ANKS1B: variants seen among roughly 807,000 people sequenced by gnomAD.
The protein encoded by ANKS1B is ankyrin repeat and sterile alpha motif domain containing 1B.
Under a neutral mutation model 148.3 loss-of-function variants are expected in ANKS1B, and 36 were observed. That is an observed-to-expected ratio of 0.24 (90% CI 0.19 to 0.32). The LOEUF is 0.32. Ranked by LOEUF, ANKS1B falls within the 10% of genes least tolerant of loss-of-function variation. The probability of loss-of-function intolerance (pLI) is 1.00; values close to 1 mark genes in which losing one functional copy is unlikely to be tolerated. For synonymous variants in ANKS1B, 542 were observed against 560.8 expected (o/e 0.97, Z 0.47); for missense variants, 1,157 against 1,542.6 (o/e 0.75, Z 4.19).
chr12:98,887,143 T>C (rs1374323729), intron 17 of ANKS1B, among the ~76,000 whole-genome samples: 1 of 152,168 alleles, frequency 6.6e-6, no homozygotes, highest in African/African-American at 2.4e-5. Flanking sequence ...ACAGGCAATA[T>C]AAATTAGTTA....
intron 10 of ANKS1B, among the ~76,000 whole-genome samples, chr12:99,478,470 C>A (rs1595591659): frequency 1.3e-5 from 2 of 151,992 alleles, no homozygotes; most frequent in African/African-American, 4.8e-5. Flanking sequence ...GAAGTCACTC[C>A]CATGTACATA....
In ANKS1B at chr12:99,246,565, T is replaced by C. The variant is rs1224201188; in HGVS notation, c.2056A>G (p.Ile686Val). Residue 686 changes from isoleucine to valine, a missense_variant, in exon 13 of 27, where the codon ATT becomes GTT. By Grantham distance (29) the Ile-to-Val change is conservative. This residue lies in a region of ANKS1B where 661 missense variants were observed against 642.1 expected (regional missense o/e 1.03). Transcript: ENST00000683438. Reference sequence around the variant, plus strand: ...CTCCTGGTTGATCTTGTGCCAACAATGGTATGGTTTTCGAGTTGGTTGCTT... The same window carrying C: ...CTCCTGGTTGATCTTGTGCCAACAACGGTATGGTTTTCGAGTTGGTTGCTT... ...KKSNQLENHTIVGTRSTRSGS... is the reference protein window; with the variant it reads ...KKSNQLENHTVVGTRSTRSGS... 2 of 1,613,778 alleles carry C rather than the reference T, an allele frequency of 1.2e-6. No individual in the cohort carries two copies. Among genetic ancestry groups the C allele is most frequent in the Admixed American group, 1.7e-5 (1 of 59,936 alleles).
chr12:99,501,385 G>A lies in ANKS1B; in HGVS notation c.1438+3091C>T, dbSNP rs566469282. 3.3e-5 allele frequency among the ~76,000 whole-genome samples: 5 copies of A among 152,176 alleles called. No individual in the cohort carries two copies. The South Asian group carries it at 8.3e-4, about 25-fold the overall frequency. The stretch of plus-strand genomic sequence containing the variant: ...GAGGAGAGTATATTTCTCTCCAGAG[G>A]GATTACATTTGCTTCCACTTGATAC... On this transcript the variant is annotated intron_variant, in intron 10 of 26. Coordinates refer to ENST00000683438, the MANE Select transcript of ANKS1B (RefSeq NM_001352186.2).
intron 9 of ANKS1B, chr12:99,649,346 T>C: frequency 6.2e-7 from 1 of 1,614,186 alleles, no homozygotes; most frequent in South Asian, 1.1e-5. Context: ...AGACTTCACA[T>C]GAATGCTGAA....
rs777210247 is a variant in ANKS1B, at chr12:98,941,574, C to T, written c.2779-109438G>A. On this transcript the variant is annotated intron_variant, in intron 17 of 26. Transcript: ENST00000683438. ...TGAGTATTGATTTGCGGTTACAATT[C>T]AATTTTAGCAAGTAGGGGAATTTGC... Among the ~76,000 whole-genome samples the T allele has an allele frequency of 7.8e-4, 119 of 152,132 alleles. 3 individuals carry two copies. The highest frequency in any genetic ancestry group is 2.1e-4 in the Non-Finnish European group (14 of 68,038).
chr12:99,642,940 T>A (rs185396086), intron 9 of ANKS1B, among the ~76,000 whole-genome samples: 1 of 152,316 alleles, frequency 6.6e-6, no homozygotes, highest in East Asian at 1.9e-4. Context: ...AATCTCTGCT[T>A]TCCTCATCAT....
In ANKS1B at chr12:99,984,558, G is replaced by A; in HGVS notation, c.-321C>T. On this transcript the variant is annotated 5_prime_UTR_variant, in exon 1 of 27. Coordinates refer to ENST00000683438, the MANE Select transcript of ANKS1B (RefSeq NM_001352186.2). ...TGCGGCGTGAGGGGGTGGGGACTCG[G>A]GGGTGCTTTTGAGGAGCGGGAGGAG... is the stretch of plus-strand genomic sequence containing the variant. 1 of 258,502 alleles carries A rather than the reference G, an allele frequency of 3.9e-6. No homozygotes were observed. The highest frequency in any genetic ancestry group is 7.5e-6 in the Non-Finnish European group (1 of 132,762). The allele number at this position is 258,502 out of a possible 1,614,324, so 16.0% of individuals were successfully genotyped here. A position where few individuals can be genotyped will look rare whatever the true frequency, so the allele number is the denominator to read the frequency against.
At chr12:99,968,851 C>A (rs1247663485) in intron 1 of ANKS1B, among the ~76,000 whole-genome samples, 3 of 152,028 alleles carry the variant, frequency 2.0e-5, no homozygotes, top group African/African-American at 7.3e-5. Flanking sequence ...GTGGCACCTC[C>A]CTGCTCTCTC....
chr12:99,787,547 A>C (rs1438180515), intron 4 of ANKS1B, among the ~76,000 whole-genome samples: 1 of 152,266 alleles, frequency 6.6e-6, no homozygotes, highest in Admixed American at 6.5e-5. Flanking sequence ...AGAATAAGAG[A>C]TGAAGGACAG....
rs528643895 is a variant in ANKS1B, at chr12:99,932,389, C to T, written c.134+51715G>A. Among the ~76,000 whole-genome samples the T allele has an allele frequency of 2.6e-5, 4 of 152,216 alleles. No homozygotes were observed. The East Asian group carries it at 7.7e-4, about 29-fold the overall frequency. On this transcript the variant is annotated intron_variant, in intron 1 of 26. Transcript: ENST00000683438. ...TGGCTCTACTAATTTACATTCCCAC[C>T]AACAGCATACAAATGTTCCCTTTTC...
chr12:99,403,686 A>G (rs2094467352), intron 11 of ANKS1B, among the ~76,000 whole-genome samples: 1 of 145,332 alleles, frequency 6.9e-6, no homozygotes, highest in Non-Finnish European at 1.5e-5. Context: ...CTGAAGGAAC[A>G]CTTATACACT....
chr12:98,742,732 C>T (rs757586877), downstream of ANKS1B, among the ~76,000 whole-genome samples: 3 of 152,220 alleles, frequency 2.0e-5, no homozygotes, highest in Admixed American at 6.5e-5. Context: ...CCGTCTCTGC[C>T]GGCTTTGGAA....
chr12:98,913,835 T>G (rs2099790217), intron 17 of ANKS1B, among the ~76,000 whole-genome samples: 1 of 152,204 alleles, frequency 6.6e-6, no homozygotes, highest in African/African-American at 2.4e-5. Context: ...TTTGCCATGT[T>G]GGCCAGGCTG....
intron 14 of ANKS1B, among the ~76,000 whole-genome samples, chr12:99,207,671 T>C (rs1188668284): frequency 2.0e-5 from 3 of 152,000 alleles, no homozygotes; most frequent in Admixed American, 2.0e-4. Context: ...TTCCAATTAA[T>C]ATATGAAAGC....
chr12:98,749,375 G>C (rs2098008979), intron 26 of ANKS1B, among the ~76,000 whole-genome samples: 1 of 151,994 alleles, frequency 6.6e-6, no homozygotes, highest in Non-Finnish European at 1.5e-5. Flanking sequence ...CCAAAGTGCT[G>C]GGATTACAGG....
intron 17 of ANKS1B, among the ~76,000 whole-genome samples, chr12:98,938,654 C>A (rs1325956572): frequency 6.6e-6 from 1 of 152,236 alleles, no homozygotes; most frequent in African/African-American, 2.4e-5. Flanking sequence ...CACACACACA[C>A]AAATTGCAGT....
intron 1 of ANKS1B, among the ~76,000 whole-genome samples, chr12:99,964,978 A>G (rs1316285022): frequency 6.6e-6 from 1 of 152,204 alleles, no homozygotes. Context: ...AGACTGGAGG[A>G]TGAAGGAAGT....
In ANKS1B at chr12:99,087,325, C is replaced by T. The variant is rs146796629; in HGVS notation, c.2527-2302G>A. Among the ~76,000 whole-genome samples the T allele has an allele frequency of 2.4e-4, 36 of 152,244 alleles. No individual in the cohort carries two copies. The East Asian group carries it at 6.2e-3, about 26-fold the overall frequency. ...TGGCACAACAGCTAGGGATTTAAAA[C>T]GGGCATTCACTGGACAAAAGCATTC... On this transcript the variant is annotated intron_variant, in intron 15 of 26. Coordinates refer to ENST00000683438, the MANE Select transcript of ANKS1B (RefSeq NM_001352186.2).
chr12:98,847,204 G>A (rs944552760), intron 17 of ANKS1B, among the ~76,000 whole-genome samples: 5 of 152,176 alleles, frequency 3.3e-5, no homozygotes, highest in Admixed American at 1.3e-4. Flanking sequence ...CTATGCTACA[G>A]TAGATCTCTA....
Sources: gnomAD v4.1 joint callset for allele counts (sites outside exome capture counted in the v4.1 genomes callset) on GRCh38, gnomAD v4.1.1 for gene constraint, gnomAD v4.1.1 regional missense constraint, MANE v1.5 for transcripts, NCBI Gene and HGNC (gene_info 2026-07-23, HGNC 2026-07-21) for gene names.